DLG2: variants seen among roughly 807,000 people sequenced by gnomAD.
The protein encoded by DLG2 is disks large homolog 2.
Under a neutral mutation model 132.5 loss-of-function variants are expected in DLG2, and 45 were observed. The observed-to-expected ratio is 0.34, with a 90% confidence interval of 0.27 to 0.44. The LOEUF is 0.44. Among genes scored for constraint, DLG2 ranks in the 20% least tolerant of loss-of-function variants. The probability of loss-of-function intolerance (pLI) is 1.00; values close to 1 mark genes in which losing one functional copy is unlikely to be tolerated. For synonymous variants in DLG2, 424 were observed against 419.6 expected, an observed-to-expected ratio of 1.01 and a Z score of -0.13; for missense variants, 1,045 against 1,196.9, an observed-to-expected ratio of 0.87 and a Z score of 1.87.
At chr11:84,343,544 G>C (rs1187448916) in intron 7 of DLG2, among the ~76,000 whole-genome samples, 1 of 152,180 alleles carries the variant, frequency 6.6e-6, no homozygotes, top group Non-Finnish European at 1.5e-5. Flanking sequence ...CGAGGAGCTT[G>C]AAATCTAGTG....
intron 4 of DLG2, among the ~76,000 whole-genome samples, chr11:85,270,646 G>A (rs2077471961): frequency 1.3e-5 from 2 of 152,168 alleles, no homozygotes; most frequent in Admixed American, 6.5e-5. Context: ...AAATGCTCAA[G>A]ATGATATGAA....
chr11:85,215,598 T>C (rs555109191), intron 4 of DLG2, among the ~76,000 whole-genome samples: 1 of 152,294 alleles, frequency 6.6e-6, no homozygotes, highest in East Asian at 1.9e-4. Context: ...AACCCAAAGA[T>C]GTTCCAGAAG....
intron 6 of DLG2, among the ~76,000 whole-genome samples, chr11:84,802,117 A>G (rs116428853): frequency 0.024 from 3,651 of 152,076 alleles, 162 homozygotes; most frequent in African/African-American, 0.084. Context: ...AAAGCAAAAA[A>G]AAAAAAGCAT....
chr11:84,471,806 C>T (rs1177434625), intron 7 of DLG2, among the ~76,000 whole-genome samples: 2 of 151,894 alleles, frequency 1.3e-5, no homozygotes, highest in Non-Finnish European at 2.9e-5. Context: ...TCTCTATCTT[C>T]CTCCTTTCTC....
At chr11:84,782,500 C>G (rs1411717361) in intron 6 of DLG2, among the ~76,000 whole-genome samples, 2 of 151,792 alleles carry the variant, frequency 1.3e-5, no homozygotes, top group African/African-American at 4.8e-5. Flanking sequence ...TTGCGTATAT[C>G]TCTATAGGGC....
intron 6 of DLG2, among the ~76,000 whole-genome samples, chr11:84,949,315 A>AAATCACAG (rs1196937097): frequency 9.2e-5 from 14 of 152,126 alleles, no homozygotes; most frequent in Non-Finnish European, 1.6e-4. Flanking sequence ...AGGCAGGGCG[A>AAATCACAG]GATCACAGGA....
At chr11:85,376,003 T>A (rs2085374269) in intron 3 of DLG2, among the ~76,000 whole-genome samples, 1 of 152,158 alleles carries the variant, frequency 6.6e-6, no homozygotes, top group Admixed American at 6.5e-5. Context: ...TATTAATATT[T>A]TACATTTGTA....
intron 6 of DLG2, among the ~76,000 whole-genome samples, chr11:84,678,360 A>C (rs2099720229): frequency 6.6e-6 from 1 of 152,102 alleles, no homozygotes; most frequent in Admixed American, 6.6e-5. Flanking sequence ...TACACCCTTG[A>C]GTTAACACAG....
intron 9 of DLG2, among the ~76,000 whole-genome samples, chr11:84,129,724 A>G (rs1430135387): frequency 6.6e-6 from 1 of 151,836 alleles, no homozygotes; most frequent in Non-Finnish European, 1.5e-5. Flanking sequence ...AGTAACCTTA[A>G]CCTAAGGTTT....
intron 6 of DLG2, among the ~76,000 whole-genome samples, chr11:84,774,908 C>T (rs964043425): frequency 2.0e-4 from 30 of 151,826 alleles, no homozygotes; most frequent in African/African-American, 5.3e-4. Flanking sequence ...CAAAAGCAAC[C>T]GCAATAAAAA....
rs1035104077 is a variant in DLG2, at chr11:83,476,817, G to C, written c.2294-4040C>G. The stretch of plus-strand genomic sequence containing the variant: ...GCTTCGGCTTCCTCATATGGAAATG[G>C]GGCTATTAATGTAAAACATGTCTAA... On this transcript the variant is annotated intron_variant, in intron 22 of 27. Transcript: ENST00000376104. 1.8e-4 allele frequency among the ~76,000 whole-genome samples: 28 copies of C among 152,076 alleles called. 1 individual carries two copies. The highest frequency in any genetic ancestry group is 7.4e-5 in the Non-Finnish European group (5 of 68,006).
chr11:84,497,941 G>A (rs536320541), intron 7 of DLG2, among the ~76,000 whole-genome samples: 8 of 152,068 alleles, frequency 5.3e-5, no homozygotes, highest in Non-Finnish European at 1.0e-4. Context: ...CAAGATACAC[G>A]ATACACTAGA....
intron 6 of DLG2, among the ~76,000 whole-genome samples, chr11:84,627,336 C>T (rs550672845): frequency 5.3e-5 from 8 of 152,244 alleles, no homozygotes; most frequent in South Asian, 4.1e-4. Flanking sequence ...GTAAATTGAA[C>T]GTAAGGTTTC....
At chr11:83,863,940 G>A (rs1004760785) in intron 16 of DLG2, among the ~76,000 whole-genome samples, 1 of 152,138 alleles carries the variant, frequency 6.6e-6, no homozygotes, top group South Asian at 2.1e-4. Flanking sequence ...AGGCAACATT[G>A]ATATTGAAAT....
intron 7 of DLG2, among the ~76,000 whole-genome samples, chr11:84,526,907 T>C (rs1307267572): frequency 6.6e-6 from 1 of 151,588 alleles, no homozygotes; most frequent in South Asian, 2.1e-4. Context: ...GCCTCCCGAG[T>C]AGCTGGGACT....
intron 4 of DLG2, among the ~76,000 whole-genome samples, chr11:85,245,681 A>C (rs963795223): frequency 6.6e-6 from 1 of 151,942 alleles, no homozygotes; most frequent in Non-Finnish European, 1.5e-5. Context: ...GAATTTACCC[A>C]TTTCACTCAA....
chr11:84,871,775 T>G (rs556136558), intron 6 of DLG2, among the ~76,000 whole-genome samples: 125 of 152,112 alleles, frequency 8.2e-4, no homozygotes, highest in Non-Finnish European at 1.3e-3. Flanking sequence ...CAGCCTGGAG[T>G]GCAGTACCAC....
At chr11:84,619,211 A>C (rs1018138127) in intron 6 of DLG2, among the ~76,000 whole-genome samples, 1 of 151,946 alleles carries the variant, frequency 6.6e-6, no homozygotes, top group African/African-American at 2.4e-5. Flanking sequence ...AATTAATAAC[A>C]CAAGAAAGAA....
At chr11:85,080,155 C>T (rs935776319) in intron 6 of DLG2, among the ~76,000 whole-genome samples, 15 of 151,990 alleles carry the variant, frequency 9.9e-5, no homozygotes, top group African/African-American at 3.6e-4. Context: ...TGTGATAGTA[C>T]CTGAACCAAG....
Sources: gnomAD v4.1 joint callset for allele counts (sites outside exome capture counted in the v4.1 genomes callset) on GRCh38, gnomAD v4.1.1 for gene constraint, MANE v1.5 for transcripts, NCBI Gene and HGNC (gene_info 2026-07-23, HGNC 2026-07-21) for gene names.